Variants in SCUBE1 observed in about 807,000 individuals in gnomAD.
SCUBE1 encodes the protein signal peptide, CUB and EGF-like domain-containing protein 1.
Under a neutral mutation model 124.4 loss-of-function variants are expected in SCUBE1, and 59 were observed. The ratio of observed to expected loss-of-function variants is 0.47; its 90% CI spans 0.38 to 0.59. The LOEUF (loss-of-function observed/expected upper bound fraction) is 0.59, where lower values mean the gene tolerates loss of function less well. Ranked by LOEUF, SCUBE1 falls within the 20% of genes least tolerant of loss-of-function variation. The pLI is 0.00. For synonymous variants in SCUBE1, 545 were observed against 550.9 expected (o/e 0.99, Z 0.15); for missense variants, 1,150 against 1,371.2 (o/e 0.84, Z 2.55).
At position 43,255,366 on chromosome 22, in the gene SCUBE1, C is replaced by T. The variant is rs1331845355; in HGVS notation, c.727+2853G>A. The T allele has an allele frequency of 4.7e-6, 4 of 852,390 alleles. No homozygotes were observed. The highest frequency in any genetic ancestry group is 2.0e-5 in the Admixed American group (1 of 48,794). 52.8% of individuals were successfully genotyped at this position (852,390 alleles called of 1,614,324 possible). Reference sequence around the variant, plus strand: ...ACAGACATATGCCCCCACACGCACACGTCACACCCACACACAGCACACACA... The same window carrying T: ...ACAGACATATGCCCCCACACGCACATGTCACACCCACACACAGCACACACA... On this transcript the variant is annotated intron_variant, in intron 6 of 21. Transcript: ENST00000360835. This position sits in a 1 kb window ranked among gnomAD's most constrained non-coding sequence, Gnocchi z 4.7.
At position 43,210,392 on chromosome 22, in the gene SCUBE1, C is replaced by T; in HGVS notation, c.2384-152G>A. The T allele has an allele frequency of 3.2e-6, 2 of 633,980 alleles. No individual in the cohort carries two copies. The highest frequency in any genetic ancestry group is 5.4e-5 in the South Asian group (2 of 37,302). The allele number at this position is 633,980 out of a possible 1,614,324, so 39.3% of individuals were successfully genotyped here. Reference sequence around the variant, plus strand: ...GCCCTCGGACCCTGAGCCCATCCTCCTTGGGGACCCTGCCTGGGCTGCCCC... The same window carrying T: ...GCCCTCGGACCCTGAGCCCATCCTCTTTGGGGACCCTGCCTGGGCTGCCCC... On this transcript the variant is annotated intron_variant, in intron 18 of 21. Transcript: ENST00000360835. The surrounding 1 kb of genome is among the most constrained non-coding windows in gnomAD (Gnocchi z 4.5).
At chr22:43,332,625 T>C (rs2146797818) in intron 2 of SCUBE1, among the ~76,000 whole-genome samples, 1 of 152,300 alleles carries the variant, frequency 6.6e-6, no homozygotes, top group African/African-American at 2.4e-5. Flanking sequence ...CAGACCTCTC[T>C]GGACCCAGTT....
chr22:43,222,591 G>T, intron 12 of SCUBE1, 47 bp downstream of exon 12: 1 of 1,402,244 alleles, frequency 7.1e-7, no homozygotes, highest in Non-Finnish European at 9.8e-7. Flanking sequence ...GCTGGATGCA[G>T]TCAAGTCACC....
rs140808468 is a variant in SCUBE1 at position 43,239,631 on chromosome 22, C to T, written c.728-677G>A. Among the ~76,000 whole-genome samples the T allele has an allele frequency of 3.5e-4, 54 of 152,368 alleles. No homozygotes were observed. In the East Asian group the frequency reaches 7.9e-3, roughly 22 times the overall value. On this transcript the variant is annotated intron_variant, in intron 6 of 21. Transcript: ENST00000360835. Reference sequence around the variant, plus strand: ...ACCGAGGTCATTGAAGCCGTCATGCCGTGAGTGAGCCCCCTCAGGCCTGGA... The same window carrying T: ...ACCGAGGTCATTGAAGCCGTCATGCTGTGAGTGAGCCCCCTCAGGCCTGGA...
At chr22:43,217,030 C>G (rs1249215366) in intron 15 of SCUBE1, among the ~76,000 whole-genome samples, 1 of 124,174 alleles carries the variant, frequency 8.1e-6, no homozygotes, top group Admixed American at 7.4e-5. Flanking sequence ...GCTTCCCCAC[C>G]CCGCCAGGTG....
In SCUBE1 at chr22:43,210,844, CA is replaced by C; in HGVS notation, c.2383+77del. ...TGTCCTCGTGGAGCTCGTGTGAGAT[CA>C]GGTCTCCTCCCGCCCCCACAACCTG... On this transcript the variant is annotated intron_variant, in intron 18 of 21. Coordinates refer to ENST00000360835, the MANE Select transcript of SCUBE1 (RefSeq NM_173050.5). The surrounding 1 kb of genome is among the most constrained non-coding windows in gnomAD (Gnocchi z 4.5). 6.5e-7 allele frequency: 1 copy of C among 1,533,304 alleles called. No individual in the cohort carries two copies. Among genetic ancestry groups the C allele is most frequent in the South Asian group, 1.2e-5 (1 of 86,324 alleles). The allele number at this position is 1,533,304 out of a possible 1,614,324, so 95.0% of individuals were successfully genotyped here.
At chr22:43,329,789 C>T (rs899184524) in intron 2 of SCUBE1, among the ~76,000 whole-genome samples, 1 of 152,240 alleles carries the variant, frequency 6.6e-6, no homozygotes, top group Non-Finnish European at 1.5e-5. Context: ...TCCTCTTTGT[C>T]TCAAAGCCTT....
At position 43,278,818 on chromosome 22, in the gene SCUBE1, G is replaced by A. The variant is rs183187299; in HGVS notation, c.484+12228C>T. On this transcript the variant is annotated intron_variant, in intron 4 of 21. Transcript: ENST00000360835. ...TAGTACTTATCCAAAGCATGTCACA[G>A]GGTGGCTGTGAGCATCAGGCGACCC... is the stretch of plus-strand genomic sequence containing the variant. Among the ~76,000 whole-genome samples the A allele has an allele frequency of 2.2e-3, 329 of 152,308 alleles. 2 individuals are homozygous for A. The highest frequency in any genetic ancestry group is 7.7e-3 in the African/African-American group (321 of 41,568).
chr22:43,318,689 T>A (rs55721412), intron 3 of SCUBE1, among the ~76,000 whole-genome samples: 14,753 of 152,114 alleles, frequency 0.097, 1,486 homozygotes, highest in African/African-American at 0.26. Context: ...ACTCTTCTCC[T>A]TTTTTCCAAT....
chr22:43,238,771 C>A (rs781209189), intron 7 of SCUBE1, 67 bp downstream of exon 7: 3 of 1,322,692 alleles, frequency 2.3e-6, no homozygotes, highest in Admixed American at 3.4e-5. Flanking sequence ...CCCGGCTATG[C>A]AAGCACACGG....
chr22:43,340,125 C>A (rs1927261152), intron 1 of SCUBE1, among the ~76,000 whole-genome samples: 1 of 151,768 alleles, frequency 6.6e-6, no homozygotes, highest in Admixed American at 6.6e-5. Context: ...AACGTGGGAT[C>A]CCACCCTGCC....
intron 4 of SCUBE1, among the ~76,000 whole-genome samples, chr22:43,268,232 A>T (rs975198550): frequency 6.6e-6 from 1 of 152,200 alleles, no homozygotes; most frequent in African/African-American, 2.4e-5. Flanking sequence ...GCCCCAGTTC[A>T]AACTCCGTCC....
At chr22:43,268,447 G>A (rs1225816437) in intron 4 of SCUBE1, among the ~76,000 whole-genome samples, 1 of 152,204 alleles carries the variant, frequency 6.6e-6, no homozygotes, top group Admixed American at 6.5e-5. Flanking sequence ...CAGGCCAGGC[G>A]GCCCGCCAGG....
chr22:43,212,571 A>G lies in SCUBE1; in HGVS notation c.2075T>C (p.Phe692Ser). ...ECGGQCSPGF[F>S]SADGFKPCQA... ...GCAGGGCTTGAAGCCATCGGCCGAG[A>G]AGAAGCCTGGAGAACACTGGCCTGA... Residue 692 changes from phenylalanine to serine, a missense_variant, in exon 17 of 22, where the codon TTC becomes TCC. Physicochemically the swap from Phe to Ser is radical, Grantham distance 155. Transcript: ENST00000360835. 6.4e-7 allele frequency: 1 copy of G among 1,567,718 alleles called. No homozygotes were observed. The highest frequency in any genetic ancestry group is 8.6e-7 in the Non-Finnish European group (1 of 1,157,648).
chr22:43,305,769 CA>C (rs1925946471), intron 3 of SCUBE1, among the ~76,000 whole-genome samples: 1 of 152,072 alleles, frequency 6.6e-6, no homozygotes, highest in Admixed American at 6.5e-5. Flanking sequence ...GCAGATGAGC[CA>C]GGGGAGGGCA....
At chr22:43,214,427 A>C (rs926962031) in intron 15 of SCUBE1, among the ~76,000 whole-genome samples, 176 bp from the exon 16 acceptor site, 4 of 152,298 alleles carry the variant, frequency 2.6e-5, no homozygotes, top group Admixed American at 6.5e-5. Flanking sequence ...CCCAGGAGGC[A>C]GCCATCTGTG....
chr22:43,266,733 T>C (rs775450076), intron 4 of SCUBE1, among the ~76,000 whole-genome samples: 1 of 152,098 alleles, frequency 6.6e-6, no homozygotes, highest in Non-Finnish European at 1.5e-5. Context: ...GGAACCGATT[T>C]GGGAACCTGG....
At chr22:43,219,673 C>T (rs1193950756) in intron 14 of SCUBE1, among the ~76,000 whole-genome samples, 1 of 152,092 alleles carries the variant, frequency 6.6e-6, no homozygotes, top group African/African-American at 2.4e-5. Flanking sequence ...AGGGTTTCAC[C>T]ATGTTGGCCA....
intron 5 of SCUBE1, among the ~76,000 whole-genome samples, chr22:43,260,203 T>C (rs1923820318): frequency 6.6e-6 from 1 of 152,140 alleles, no homozygotes; most frequent in Non-Finnish European, 1.5e-5. Flanking sequence ...GTGACTCTAA[T>C]GAGGATGGAG....
Sources: gnomAD v4.1 joint callset for allele counts (sites outside exome capture counted in the v4.1 genomes callset) on GRCh38, gnomAD v4.1.1 for gene constraint, Gnocchi (gnomAD v3.1) non-coding constraint, MANE v1.5 for transcripts, NCBI Gene and HGNC (gene_info 2026-07-23, HGNC 2026-07-21) for gene names.